The following CHCHD6 variants were observed in gnomAD, a reference collection of about 807,000 sequenced individuals.
The protein encoded by CHCHD6 is coiled-coil-helix-coiled-coil-helix domain containing 6.
Under a neutral mutation model 32.3 loss-of-function variants are expected in CHCHD6, and 28 were observed. That is an observed-to-expected ratio of 0.87 (90% confidence interval 0.64 to 1.19). The LOEUF (loss-of-function observed/expected upper bound fraction) is 1.19, where lower values mean the gene tolerates loss of function less well. Ranked by LOEUF, CHCHD6 falls within the 50% of genes most tolerant of loss-of-function variation. The pLI is 0.00. For synonymous variants in CHCHD6, 122 were observed against 117.5 expected (o/e 1.04, Z -0.25); for missense variants, 333 against 307.0 (o/e 1.08, Z -0.63).
intron 5 of CHCHD6, among the ~76,000 whole-genome samples, chr3:126,866,816 C>G (rs1478609409): frequency 6.6e-6 from 1 of 152,176 alleles, no homozygotes; most frequent in Non-Finnish European, 1.5e-5. Flanking sequence ...GAAGTTTCCC[C>G]CTACGTACTT....
intron 4 of CHCHD6, among the ~76,000 whole-genome samples, chr3:126,821,565 A>T (rs1286726019): frequency 2.0e-5 from 3 of 152,210 alleles, no homozygotes; most frequent in Non-Finnish European, 4.4e-5. Flanking sequence ...AATTGCCAGG[A>T]TTACAGGCAT....
chr3:126,937,631 C>T (rs1304236869), intron 6 of CHCHD6, among the ~76,000 whole-genome samples: 1 of 152,194 alleles, frequency 6.6e-6, no homozygotes, highest in Non-Finnish European at 1.5e-5. Context: ...CCATGCCTTA[C>T]AGATGCTCAC....
At chr3:126,731,361 A>T (rs966975183) in intron 3 of CHCHD6, among the ~76,000 whole-genome samples, 1 of 152,132 alleles carries the variant, frequency 6.6e-6, no homozygotes, top group Non-Finnish European at 1.5e-5. Context: ...AAGTTTTAGC[A>T]AAGTGGTTAA....
chr3:126,807,266 G>C (rs1040878434), intron 4 of CHCHD6, among the ~76,000 whole-genome samples: 1 of 151,578 alleles, frequency 6.6e-6, no homozygotes, highest in Non-Finnish European at 1.5e-5. Flanking sequence ...GAGAAAAAAG[G>C]AACTCAGGGA....
intron 4 of CHCHD6, among the ~76,000 whole-genome samples, chr3:126,819,182 T>C (rs2107535441): frequency 6.6e-6 from 1 of 152,294 alleles, no homozygotes; most frequent in East Asian, 1.9e-4. Flanking sequence ...TGGCTTTTTT[T>C]CCAGATTGTT....
intron 5 of CHCHD6, among the ~76,000 whole-genome samples, chr3:126,912,955 C>G (rs543260193): frequency 7.8e-5 from 2 of 25,758 alleles, no homozygotes; most frequent in East Asian, 3.2e-3. Flanking sequence ...GAAGTGCTTT[C>G]CCTGGGTGGC....
chr3:126,818,538 G>A (rs1303316080), intron 4 of CHCHD6, among the ~76,000 whole-genome samples: 1 of 152,236 alleles, frequency 6.6e-6, no homozygotes, highest in Non-Finnish European at 1.5e-5. Flanking sequence ...GTGATGGCCT[G>A]TCTGTGTGGG....
intron 4 of CHCHD6, chr3:126,766,684 C>T: frequency 1.8e-6 from 2 of 1,106,628 alleles, no homozygotes; most frequent in Non-Finnish European, 1.4e-6. Context: ...GCTGCTCTTC[C>T]CACAAGCCAG....
Position 126,854,297 on chromosome 3 carries a change from G to C in CHCHD6, c.495+1567G>C, listed in dbSNP as rs1395082462. ...GAAGAGTTATTAAATGCTTCCAGAA[G>C]GAGGTGCAAAAGCATGATCTCCTTT... On this transcript the variant is annotated intron_variant, in intron 5 of 7. Transcript: ENST00000290913. Among the ~76,000 whole-genome samples, 4 of 152,140 alleles carry C rather than the reference G, an allele frequency of 2.6e-5. No homozygotes were observed. The East Asian group carries it at 7.7e-4, about 29-fold the overall frequency.
In CHCHD6 at chr3:126,765,092, A is replaced by G. The variant is rs138339784; in HGVS notation, c.411+31870A>G. 6.2e-3 allele frequency among the ~76,000 whole-genome samples: 943 copies of G among 152,334 alleles called. 8 individuals carry two copies. Among genetic ancestry groups the G allele is most frequent in the African/African-American group, 0.021 (889 of 41,580 alleles). ...ACTAGATCATTTTTGGCATTTTAAC[A>G]TGGAGACAGTGACAAGTGGTAACAA... On this transcript the variant is annotated intron_variant, in intron 4 of 7. Transcript: ENST00000290913.
intron 4 of CHCHD6, among the ~76,000 whole-genome samples, chr3:126,819,976 G>T (rs745805038): frequency 1.8e-4 from 27 of 152,198 alleles, no homozygotes; most frequent in Non-Finnish European, 3.7e-4. Flanking sequence ...CTGTAGCTTA[G>T]TGGGAAGAAC....
chr3:126,790,422 C>A (rs1330886067), intron 4 of CHCHD6, among the ~76,000 whole-genome samples: 4 of 152,188 alleles, frequency 2.6e-5, no homozygotes, highest in Admixed American at 2.6e-4. Context: ...GAGTGTTTTT[C>A]AACTTGGTTC....
chr3:126,953,162 A>G, intron 6 of CHCHD6: 1 of 984,496 alleles, frequency 1.0e-6, no homozygotes, highest in Non-Finnish European at 1.2e-6. Flanking sequence ...GTGGAAAGTG[A>G]CAAAGCCAGC....
chr3:126,764,200 CATATATAT>C lies in CHCHD6; in HGVS notation c.411+30996_411+31003del, dbSNP rs143293559. 3.2e-3 allele frequency among the ~76,000 whole-genome samples: 453 copies of C among 139,808 alleles called. 3 individuals carry two copies. Among genetic ancestry groups the C allele is most frequent in the African/African-American group, 0.011 (424 of 38,590 alleles). 91.7% of individuals were successfully genotyped at this position (139,808 alleles called of 152,430 possible). A position where few individuals can be genotyped will look rare whatever the true frequency, so the allele number is the denominator to read the frequency against. On this transcript the variant is annotated intron_variant, in intron 4 of 7. Transcript: ENST00000290913. ...ATACACATACATACATACATACATG[CATATATAT>C]ATATATATATATATATAAATATATG... is the stretch of plus-strand genomic sequence containing the variant.
At chr3:126,793,878 G>A (rs1231231983) in intron 4 of CHCHD6, among the ~76,000 whole-genome samples, 1 of 152,114 alleles carries the variant, frequency 6.6e-6, no homozygotes, top group African/African-American at 2.4e-5. Flanking sequence ...GATATAGACT[G>A]TTGGGTTAAC....
intron 4 of CHCHD6, among the ~76,000 whole-genome samples, chr3:126,771,107 C>A (rs1332401735): frequency 6.6e-6 from 1 of 151,876 alleles, no homozygotes; most frequent in Admixed American, 6.6e-5. Flanking sequence ...TTTCTAGTTT[C>A]TTTGCATAGA....
chr3:126,898,788 C>T (rs1325853913), intron 5 of CHCHD6, among the ~76,000 whole-genome samples: 1 of 152,212 alleles, frequency 6.6e-6, no homozygotes, highest in African/African-American at 2.4e-5. Flanking sequence ...ATCTGCCCTC[C>T]TCGGCCTCCC....
chr3:126,788,725 A>G (rs528744913), intron 4 of CHCHD6, among the ~76,000 whole-genome samples: 1 of 151,682 alleles, frequency 6.6e-6, no homozygotes, highest in Non-Finnish European at 1.5e-5. Context: ...CTTCTTCATT[A>G]GCCTTGCTAG....
At chr3:126,781,385 G>C (rs1025981700) in intron 4 of CHCHD6, among the ~76,000 whole-genome samples, 4 of 152,230 alleles carry the variant, frequency 2.6e-5, no homozygotes, top group African/African-American at 7.2e-5. Context: ...TAGCATTGAA[G>C]TGACAATATT....
Sources: allele counts gnomAD v4.1 joint callset (sites outside exome capture counted in the v4.1 genomes callset), GRCh38; gene constraint gnomAD v4.1.1; transcripts MANE v1.5; gene names NCBI Gene and HGNC (gene_info 2026-07-23, HGNC 2026-07-21).